Variants in GABPB1 observed in about 807,000 individuals in gnomAD.
The protein encoded by GABPB1 is GA binding protein transcription factor subunit beta 1, also known as GA-binding protein subunit beta-1.
Under a neutral mutation model 45.9 loss-of-function variants are expected in GABPB1, and 15 were observed. The ratio of observed to expected loss-of-function variants is 0.33; its 90% confidence interval spans 0.22 to 0.50. The LOEUF is 0.50. Among genes scored for constraint, GABPB1 ranks in the 20% least tolerant of loss-of-function variants. The pLI is 0.98. For synonymous variants in GABPB1, 143 were observed against 154.4 expected, an observed-to-expected ratio of 0.93 and a Z score of 0.55; for missense variants, 252 against 457.5, an observed-to-expected ratio of 0.55 and a Z score of 4.10.
At chr15:50,313,932 G>T (rs2047218698) in intron 1 of GABPB1, among the ~76,000 whole-genome samples, 1 of 151,984 alleles carries the variant, frequency 6.6e-6, no homozygotes, top group South Asian at 2.1e-4. Context: ...TTATGTTCCT[G>T]ACTTACTAGA....
chr15:50,305,970 G>GT (rs910098056), intron 2 of GABPB1, among the ~76,000 whole-genome samples: 3 of 150,900 alleles, frequency 2.0e-5, no homozygotes, highest in African/African-American at 7.3e-5. Context: ...AGCTTTTTGG[G>GT]TTTTTTTTTA....
At chr15:50,353,853 T>TAAA (rs1184428918) in intron 1 of GABPB1, 1 of 153,194 alleles carries the variant, frequency 6.5e-6, no homozygotes, top group African/African-American at 2.4e-5. Context: ...TTTTTCTAGA[T>TAAA]AAAAAACGTA....
At chr15:50,305,894 C>T (rs553163186) in intron 2 of GABPB1, among the ~76,000 whole-genome samples, 2 of 152,014 alleles carry the variant, frequency 1.3e-5, no homozygotes, top group Non-Finnish European at 2.9e-5. Flanking sequence ...CGATCCTCCT[C>T]CCTCAGCCTC....
At chr15:50,320,529 G>T (rs982019563) in intron 1 of GABPB1, among the ~76,000 whole-genome samples, 3 of 152,174 alleles carry the variant, frequency 2.0e-5, no homozygotes, top group Non-Finnish European at 4.4e-5. Context: ...TTTAGTGGCT[G>T]CACAGTACTA....
rs1007753784 is a variant in GABPB1 at position 50,285,802 on chromosome 15, G to T, written c.999+266C>A. 1.1e-5 allele frequency: 14 copies of T among 1,255,106 alleles called. No individual in the cohort carries two copies. The African/African-American group carries it at 2.0e-4, about 18-fold the overall frequency. 77.7% of individuals were successfully genotyped at this position (1,255,106 alleles called of 1,614,324 possible). A position where few individuals can be genotyped will look rare whatever the true frequency, so the allele number is the denominator to read the frequency against. On this transcript the variant is annotated intron_variant, in intron 8 of 8. Transcript: ENST00000380877. ...GGTGTGTGTAAGTTTAAAACATAAA[G>T]GATGAAGTGGAAGAACCAAAGACAT...
chr15:50,353,333 G>T (rs526045), intron 1 of GABPB1: 74,571 of 151,782 alleles, frequency 0.49, 19,351 homozygotes, highest in Middle Eastern at 0.64. Context: ...TTGCATAACA[G>T]CTTGATTTGA....
chr15:50,352,869 A>G (rs2048899615), intron 1 of GABPB1: 1 of 152,236 alleles, frequency 6.6e-6, no homozygotes, highest in Non-Finnish European at 1.5e-5. Flanking sequence ...TTATGCATTA[A>G]TCAATTAAGT....
chr15:50,303,900 G>A (rs988340922), intron 3 of GABPB1, 66 bp downstream of exon 3: 2 of 1,284,822 alleles, frequency 1.6e-6, no homozygotes, highest in Admixed American at 5.0e-5. Context: ...ACAAAAACTA[G>A]TTCCCTCTCC....
In GABPB1 at chr15:50,278,619, A is replaced by G. The variant is rs1169781421; in HGVS notation, c.*13T>C. On this transcript the variant is annotated 3_prime_UTR_variant, in exon 9 of 9. Coordinates refer to ENST00000380877, the MANE Select transcript of GABPB1 (RefSeq NM_016654.5). ...TTGACCAAAAGTAAAATCAAACTAC[A>G]TGTTCATTTCAATTAAACAGCTTCT... is the stretch of plus-strand genomic sequence containing the variant. The G allele has an allele frequency of 3.7e-6, 6 of 1,608,004 alleles. No homozygotes were observed. Among genetic ancestry groups the G allele is most frequent in the African/African-American group, 2.7e-5 (2 of 74,590 alleles).
Position 50,348,773 on chromosome 15 carries a change from A to G in GABPB1, c.-1+6212T>C, listed in dbSNP as rs536059634. The stretch of plus-strand genomic sequence containing the variant: ...GCTACTCGGGAGGCTGAGGCAGAAG[A>G]ATCGCTTGAACCCAGGAGGCGCAGA... On this transcript the variant is annotated intron_variant, in intron 1 of 8. Coordinates refer to ENST00000380877, the MANE Select transcript of GABPB1 (RefSeq NM_016654.5). Among the ~76,000 whole-genome samples the G allele has an allele frequency of 4.3e-4, 65 of 152,112 alleles. 1 individual carries two copies. In the South Asian group the frequency reaches 6.8e-3, roughly 16 times the overall value.
chr15:50,345,164 G>A (rs899402122), intron 1 of GABPB1, among the ~76,000 whole-genome samples: 2 of 152,106 alleles, frequency 1.3e-5, no homozygotes, highest in Non-Finnish European at 2.9e-5. Flanking sequence ...GGGAAAACCA[G>A]GATGGCAAAC....
At chr15:50,285,711 T>C (rs2046130140) in intron 8 of GABPB1, among the ~76,000 whole-genome samples, 1 of 152,140 alleles carries the variant, frequency 6.6e-6, no homozygotes, top group Admixed American at 6.6e-5. Flanking sequence ...AGTTTCAGTT[T>C]TGAACAACAA....
At chr15:50,305,627 C>A (rs2046923044) in intron 2 of GABPB1, among the ~76,000 whole-genome samples, 2 of 152,190 alleles carry the variant, frequency 1.3e-5, no homozygotes, top group African/African-American at 2.4e-5. Context: ...CTTTTCTATA[C>A]TCTTAAATTT....
chr15:50,339,213 G>C (rs141404069), intron 1 of GABPB1, among the ~76,000 whole-genome samples: 2 of 152,298 alleles, frequency 1.3e-5, no homozygotes, highest in Non-Finnish European at 2.9e-5. Flanking sequence ...AGTTACTCAG[G>C]AGGCTGAGGT....
At chr15:50,334,895 A>C (rs1198178962) in intron 1 of GABPB1, among the ~76,000 whole-genome samples, 2 of 152,144 alleles carry the variant, frequency 1.3e-5, no homozygotes, top group Non-Finnish European at 2.9e-5. Flanking sequence ...ATTCTATTAT[A>C]TGATGTTTAT....
intron 1 of GABPB1, chr15:50,351,438 T>C (rs968653433): frequency 4.7e-4 from 72 of 152,288 alleles, no homozygotes; most frequent in African/African-American, 1.6e-3. Context: ...TAGCCAGACA[T>C]GTTGGCAGGT....
chr15:50,345,363 T>G (rs969678956), intron 1 of GABPB1, among the ~76,000 whole-genome samples: 7 of 151,916 alleles, frequency 4.6e-5, no homozygotes, highest in African/African-American at 1.7e-4. Flanking sequence ...AACTCAGGAG[T>G]TGACTAGCCT....
intron 1 of GABPB1, among the ~76,000 whole-genome samples, chr15:50,339,232 T>C (rs535609127): frequency 1.3e-5 from 2 of 152,280 alleles, no homozygotes; most frequent in African/African-American, 4.8e-5. Flanking sequence ...GTGGGAGCAC[T>C]GCTTGAGCCT....
At chr15:50,350,055 A>G (rs1272194314) in intron 1 of GABPB1, 1 of 152,048 alleles carries the variant, frequency 6.6e-6, no homozygotes, top group African/African-American at 2.4e-5. Flanking sequence ...ATATTATTCT[A>G]TCATCATTTT....
Sources: allele counts gnomAD v4.1 joint callset (sites outside exome capture counted in the v4.1 genomes callset), GRCh38; gene constraint gnomAD v4.1.1; transcripts MANE v1.5; gene names NCBI Gene and HGNC (gene_info 2026-07-23, HGNC 2026-07-21).